RAD54B: variants seen among roughly 807,000 people sequenced by gnomAD.
RAD54B encodes DNA repair and recombination protein RAD54B.
A neutral mutation model predicts 95.8 loss-of-function variants in RAD54B; 78 were observed. The ratio of observed to expected loss-of-function variants is 0.81; its 90% CI spans 0.68 to 0.98. The LOEUF is 0.98. Among genes scored for constraint, RAD54B ranks in the 50% least tolerant of loss-of-function variants. RAD54B has a pLI of 0.00. For synonymous variants in RAD54B, 328 were observed against 354.9 expected (o/e 0.92, Z 0.85); for missense variants, 957 against 1,056.6 (o/e 0.91, Z 1.31).
At chr8:94,440,280 A>G (rs1237420351) in intron 3 of RAD54B, among the ~76,000 whole-genome samples, 1 of 152,128 alleles carries the variant, frequency 6.6e-6, no homozygotes, top group East Asian at 1.9e-4. Context: ...GTAATTGATG[A>G]TTAATCTGAA....
intron 3 of RAD54B, among the ~76,000 whole-genome samples, chr8:94,420,921 G>A (rs907264356): frequency 1.3e-5 from 2 of 150,628 alleles, no homozygotes; most frequent in African/African-American, 4.9e-5. Context: ...GGAGGTGGAG[G>A]TTGCAGTGAG....
chr8:94,387,389 C>T, intron 10 of RAD54B: 1 of 360,624 alleles, frequency 2.8e-6, no homozygotes, highest in Non-Finnish European at 4.9e-6. Flanking sequence ...ATGCCTGCTA[C>T]CTTCACCCTG....
chr8:94,472,578 C>T (rs1296141338), intron 1 of RAD54B, among the ~76,000 whole-genome samples: 3 of 152,164 alleles, frequency 2.0e-5, no homozygotes, highest in Admixed American at 6.5e-5. Flanking sequence ...CTGTTCTCTA[C>T]ATTAGTCAGA....
At chr8:94,436,742 T>C (rs1162857209) in intron 3 of RAD54B, 2 of 1,550,718 alleles carry the variant, frequency 1.3e-6, no homozygotes, top group East Asian at 2.4e-5. Context: ...CAACATCTAT[T>C]CTTTTCTACT....
At chr8:94,396,257 G>GAA (rs72247843) in intron 8 of RAD54B, among the ~76,000 whole-genome samples, 1 of 135,378 alleles carries the variant, frequency 7.4e-6, no homozygotes. Flanking sequence ...ACCTGTAGAA[G>GAA]AAAAAAAAAA....
chr8:94,420,444 T>C (rs1232550571), intron 3 of RAD54B, among the ~76,000 whole-genome samples: 2 of 151,296 alleles, frequency 1.3e-5, no homozygotes, highest in African/African-American at 2.4e-5. Flanking sequence ...GTATTTTCAA[T>C]AGACAGGGTT....
In RAD54B at chr8:94,420,663, T is replaced by C. The variant is rs537019370; in HGVS notation, c.305-9348A>G. Among the ~76,000 whole-genome samples, 104 of 149,408 alleles carry C rather than the reference T, an allele frequency of 7.0e-4. 1 individual carries two copies. Among genetic ancestry groups the C allele is most frequent in the African/African-American group, 1.9e-3 (79 of 40,674 alleles). On this transcript the variant is annotated intron_variant, in intron 3 of 14. Coordinates refer to ENST00000336148, the MANE Select transcript of RAD54B (RefSeq NM_012415.3). ...GTTATATTTCAGGGAGAAACATGTA[T>C]TGCAGGAAGAAACACATACATAAAA...
chr8:94,456,620 T>C (rs1458086753), intron 3 of RAD54B, among the ~76,000 whole-genome samples: 1 of 152,158 alleles, frequency 6.6e-6, no homozygotes, highest in Admixed American at 6.5e-5. Context: ...CTCGAGAGTT[T>C]GTAGGCATAT....
At chr8:94,432,204 CTTAG>C in intron 3 of RAD54B, 2 of 1,550,284 alleles carry the variant, frequency 1.3e-6, no homozygotes, top group Non-Finnish European at 1.7e-6. Context: ...AATTTTTGCT[CTTAG>C]TAGCTCTTCC....
intron 2 of RAD54B, among the ~76,000 whole-genome samples, chr8:94,464,629 C>T (rs1428477121): frequency 1.3e-5 from 2 of 152,134 alleles, no homozygotes; most frequent in East Asian, 3.8e-4. Context: ...GTGGAGATGG[C>T]TGCACAATTC....
intron 3 of RAD54B, among the ~76,000 whole-genome samples, chr8:94,439,602 T>C (rs1258632845): frequency 6.9e-6 from 1 of 144,506 alleles, no homozygotes; most frequent in Non-Finnish European, 1.5e-5. Flanking sequence ...TTATATATTT[T>C]AGGGAGGCAT....
At chr8:94,443,123 C>A (rs959596215) in intron 3 of RAD54B, among the ~76,000 whole-genome samples, 4 of 152,186 alleles carry the variant, frequency 2.6e-5, no homozygotes, top group Admixed American at 2.6e-4. Flanking sequence ...CTTAGGTACA[C>A]AACAGGGACA....
At chr8:94,384,365 AGGAC>A (rs1810818535) in intron 11 of RAD54B, among the ~76,000 whole-genome samples, 2 of 152,204 alleles carry the variant, frequency 1.3e-5, no homozygotes, top group Admixed American at 6.5e-5. Context: ...ATAAACCTGG[AGGAC>A]ATTATGTTAA....
intron 1 of RAD54B, among the ~76,000 whole-genome samples, chr8:94,473,673 G>T (rs1028910610): frequency 6.6e-6 from 1 of 152,198 alleles, no homozygotes; most frequent in Non-Finnish European, 1.5e-5. Context: ...CTTTGGGTTC[G>T]TCTGGGCTTT....
intron 12 of RAD54B, among the ~76,000 whole-genome samples, chr8:94,379,065 A>G (rs1810670952): frequency 6.6e-6 from 1 of 152,208 alleles, no homozygotes; most frequent in South Asian, 2.1e-4. Flanking sequence ...TTTATCAATG[A>G]TACTGTGCAT....
chr8:94,417,723 T>A (rs997169303), intron 3 of RAD54B, among the ~76,000 whole-genome samples: 1 of 152,058 alleles, frequency 6.6e-6, no homozygotes. Flanking sequence ...AAAAAACTTG[T>A]ACATCTCCAA....
In RAD54B at chr8:94,467,587, C is replaced by T. The variant is rs748627466; in HGVS notation, c.-16-32G>A. The T allele has an allele frequency of 7.7e-6, 12 of 1,568,022 alleles. No individual in the cohort carries two copies. The African/African-American group carries it at 8.2e-5, about 11-fold the overall frequency. ...AATACCCAAAACAGTTAACTATCCA[C>T]GAATCTAATTACAATCACCCCCAAA... On this transcript the variant is annotated intron_variant, in intron 1 of 14. Coordinates refer to ENST00000336148, the MANE Select transcript of RAD54B (RefSeq NM_012415.3).
At chr8:94,390,328 C>A (rs1327870437) in intron 10 of RAD54B, among the ~76,000 whole-genome samples, 3 of 147,446 alleles carry the variant, frequency 2.0e-5, no homozygotes, top group African/African-American at 7.5e-5. Context: ...GGTAAAACCC[C>A]GTCTCTACTA....
At chr8:94,436,009 T>C (rs1236221776) in intron 3 of RAD54B, among the ~76,000 whole-genome samples, 1 of 152,164 alleles carries the variant, frequency 6.6e-6, no homozygotes, top group East Asian at 1.9e-4. Flanking sequence ...TGATTTTGTT[T>C]ATATTTGTTA....
Sources: allele counts gnomAD v4.1 joint callset (sites outside exome capture counted in the v4.1 genomes callset), GRCh38; gene constraint gnomAD v4.1.1; transcripts MANE v1.5; gene names NCBI Gene and HGNC (gene_info 2026-07-23, HGNC 2026-07-21).